CDKN2B-AS1: variants seen among roughly 807,000 people sequenced by gnomAD.
CDKN2B-AS1 encodes CDKN2B antisense RNA 1 (non-protein coding).
At chr9:22,068,971 C>T (rs1350050437) in intron 4 of CDKN2B-AS1, among the ~76,000 whole-genome samples, 2 of 152,162 alleles carry the variant, frequency 1.3e-5, no homozygotes, top group African/African-American at 2.4e-5. Context: ...ACTCGTCCTT[C>T]CTGGCAGCTA....
chr9:22,104,032 A>G (rs1825576965), intron 4 of CDKN2B-AS1, among the ~76,000 whole-genome samples: 1 of 152,236 alleles, frequency 6.6e-6, no homozygotes, highest in Non-Finnish European at 1.5e-5. Flanking sequence ...CTTTCTTATT[A>G]GTCAATATTG....
intron 4 of CDKN2B-AS1, among the ~76,000 whole-genome samples, chr9:22,093,832 T>A (rs868206151): frequency 1.2e-4 from 17 of 144,204 alleles, no homozygotes; most frequent in South Asian, 6.4e-4. Flanking sequence ...AAGGTTAATA[T>A]GTTATGTGTG....
At position 22,039,842 on chromosome 9, in the gene CDKN2B-AS1, G is replaced by A. The variant is rs1258304420; in HGVS notation, n.30-6909G>A. On this transcript the variant is annotated intron_variant and non_coding_transcript_variant, in intron 1 of 4. Coordinates refer to ENST00000650946, the Ensembl canonical transcript of CDKN2B-AS1. The surrounding 1 kb of genome is among the most constrained non-coding windows in gnomAD (Gnocchi z 4.4). Reference sequence around the variant, plus strand: ...GTCCTAACTCCTAGTGCTTCAGAATGTGACCTTATTTGGAAACAGGGTCAT... The same window carrying A: ...GTCCTAACTCCTAGTGCTTCAGAATATGACCTTATTTGGAAACAGGGTCAT... 6.6e-6 allele frequency among the ~76,000 whole-genome samples: 1 copy of A among 151,954 alleles called. No individual in the cohort carries two copies. The highest frequency in any genetic ancestry group is 1.5e-5 in the Non-Finnish European group (1 of 67,944).
chr9:22,075,478 T>A (rs954321650), intron 4 of CDKN2B-AS1, among the ~76,000 whole-genome samples: 1 of 152,190 alleles, frequency 6.6e-6, no homozygotes, highest in Non-Finnish European at 1.5e-5. Context: ...TAACTGGGCT[T>A]CAAAGGATGA....
rs753589981 is a variant in CDKN2B-AS1 at position 22,040,175 on chromosome 9, A to C, written n.30-6576A>C. ...CTCAGTTTGTGGCACTTTGTACAGC[A>C]GTCCTAGCCGACTAACACACCACTC... is the stretch of plus-strand genomic sequence containing the variant. On this transcript the variant is annotated intron_variant and non_coding_transcript_variant, in intron 1 of 4. Transcript: ENST00000650946. Among the ~76,000 whole-genome samples, 3 of 152,038 alleles carry C rather than the reference A, an allele frequency of 2.0e-5. No individual in the cohort carries two copies. The South Asian group carries it at 6.2e-4, about 31-fold the overall frequency.
chr9:22,006,778 T>G lies in CDKN2B-AS1; in HGVS notation n.29+11617T>G, dbSNP rs1382183103. On this transcript the variant is annotated intron_variant and non_coding_transcript_variant, in intron 1 of 4. Transcript: ENST00000650946. This position sits in a 1 kb window ranked among gnomAD's most constrained non-coding sequence, Gnocchi z 6.4. The stretch of plus-strand genomic sequence containing the variant: ...TTCTTTTTTTTTTAATTTATTTAGT[T>G]CTCATAGCAAATCCCGTGCGGAAGG... 6.6e-6 allele frequency among the ~76,000 whole-genome samples: 1 copy of G among 152,048 alleles called. No homozygotes were observed. The highest frequency in any genetic ancestry group is 1.5e-5 in the Non-Finnish European group (1 of 68,018).
intron 1 of CDKN2B-AS1, among the ~76,000 whole-genome samples, chr9:22,028,853 C>T (rs1373479340): frequency 6.6e-6 from 1 of 152,010 alleles, no homozygotes; most frequent in East Asian, 1.9e-4. Context: ...TGGCATGATA[C>T]AAATAAATTA....
At chr9:22,113,025 C>T (rs1026780551) in intron 4 of CDKN2B-AS1, among the ~76,000 whole-genome samples, 22 of 152,126 alleles carry the variant, frequency 1.4e-4, no homozygotes, top group African/African-American at 4.3e-4. Flanking sequence ...AGAAAACTGA[C>T]GTATTAGTTT....
At chr9:22,098,414 C>T (rs1180751946) in intron 4 of CDKN2B-AS1, among the ~76,000 whole-genome samples, 2 of 147,284 alleles carry the variant, frequency 1.4e-5, no homozygotes, top group South Asian at 4.2e-4. Context: ...ATGCCATGGG[C>T]AAGAATTTTT....
At chr9:22,056,682 T>C (rs1421709791) in intron 4 of CDKN2B-AS1, among the ~76,000 whole-genome samples, 1 of 152,198 alleles carries the variant, frequency 6.6e-6, no homozygotes, top group Non-Finnish European at 1.5e-5. Context: ...TGTTAAGTGA[T>C]GTCAGCTTCA....
In CDKN2B-AS1 at chr9:22,024,250, T is replaced by C. The variant is rs374681891; in HGVS notation, n.30-22501T>C. The stretch of plus-strand genomic sequence containing the variant: ...ACTCCTGGACTGCATGTTCTAACTC[T>C]GGATGACTTGTATTGGGCCCCAACT... On this transcript the variant is annotated intron_variant and non_coding_transcript_variant, in intron 1 of 4. Coordinates refer to ENST00000650946, the Ensembl canonical transcript of CDKN2B-AS1. Among the ~76,000 whole-genome samples, 7 of 152,326 alleles carry C rather than the reference T, an allele frequency of 4.6e-5. No homozygotes were observed. In the East Asian group the frequency reaches 1.4e-3, roughly 29 times the overall value.
At chr9:22,051,435 C>A (rs1823341666) in intron 3 of CDKN2B-AS1, among the ~76,000 whole-genome samples, 1 of 152,100 alleles carries the variant, frequency 6.6e-6, no homozygotes, top group African/African-American at 2.4e-5. Flanking sequence ...ATGTGTTAAA[C>A]TTGGTATTGA....
chr9:22,112,132 G>A (rs1825819568), intron 4 of CDKN2B-AS1: 1 of 152,146 alleles, frequency 6.6e-6, no homozygotes, highest in Non-Finnish European at 1.5e-5. Flanking sequence ...GAACTACCAA[G>A]GTAAGAGAAG....
At chr9:22,064,061 T>C (rs1340806301) in intron 4 of CDKN2B-AS1, 1 of 152,110 alleles carries the variant, frequency 6.6e-6, no homozygotes, top group Non-Finnish European at 1.5e-5. Context: ...GGTATAAGTT[T>C]AGTAGGAGAT....
At chr9:22,061,958 A>G (rs977995530) in intron 4 of CDKN2B-AS1, 3 of 152,234 alleles carry the variant, frequency 2.0e-5, no homozygotes, top group Non-Finnish European at 2.9e-5. Context: ...ATCAGATATG[A>G]CACATTCATA....
chr9:22,088,042 A>C (rs73650047), intron 4 of CDKN2B-AS1, among the ~76,000 whole-genome samples: 6,916 of 152,262 alleles, frequency 0.045, 462 homozygotes, highest in African/African-American at 0.15. Context: ...AGAAGAACTA[A>C]AAGAAAGGAG....
chr9:22,053,814 C>G (rs1050723360), intron 3 of CDKN2B-AS1, among the ~76,000 whole-genome samples: 13 of 152,106 alleles, frequency 8.5e-5, no homozygotes, highest in African/African-American at 3.1e-4. Context: ...TCCTTAGGTC[C>G]TCCTTGATGT....
chr9:22,040,291 T>C (rs73652845), intron 1 of CDKN2B-AS1, among the ~76,000 whole-genome samples: 4,505 of 152,148 alleles, frequency 0.03, 178 homozygotes, highest in African/African-American at 0.087. Context: ...GTGCCATCTA[T>C]ATACAAATTA....
At chr9:22,100,486 A>G (rs1039723531) in intron 4 of CDKN2B-AS1, among the ~76,000 whole-genome samples, 3 of 152,138 alleles carry the variant, frequency 2.0e-5, no homozygotes, top group Admixed American at 6.6e-5. Flanking sequence ...TGTCAGTATG[A>G]TACTTCATTC....
Sources: gnomAD v4.1 joint callset for allele counts (sites outside exome capture counted in the v4.1 genomes callset) on GRCh38, gnomAD v4.1.1 for gene constraint, Gnocchi (gnomAD v3.1) non-coding constraint, MANE v1.5 for transcripts, NCBI Gene and HGNC (gene_info 2026-07-23, HGNC 2026-07-21) for gene names.